PDE7B: variants seen among roughly 807,000 people sequenced by gnomAD.
PDE7B encodes 3',5'-cyclic-AMP phosphodiesterase 7B.
PDE7B carries 29 observed loss-of-function variants against 56.2 expected under a neutral mutation model. That is an observed-to-expected ratio of 0.52 (90% CI 0.38 to 0.70). The LOEUF (loss-of-function observed/expected upper bound fraction) is 0.70. PDE7B is among the 30% of genes least tolerant of loss of function. The pLI, the probability that PDE7B is intolerant of heterozygous loss-of-function variation, is 0.00. For missense variants in PDE7B, 490 were observed against 565.0 expected (o/e 0.87, Z 1.35); for synonymous variants, 197 against 196.9 (o/e 1.00, Z 0.00).
chr6:136,149,573 A>G, intron 5 of PDE7B, among the ~76,000 whole-genome samples: 1 of 152,210 alleles, frequency 6.6e-6, no homozygotes, highest in East Asian at 1.9e-4. Context: ...TGTTGCGGGT[A>G]TTGCTCAAAT....
intron 1 of PDE7B, among the ~76,000 whole-genome samples, chr6:135,940,624 T>A (rs904936785): frequency 2.0e-5 from 3 of 152,218 alleles, no homozygotes; most frequent in African/African-American, 7.2e-5. Context: ...CTTCTAGGGA[T>A]CTGTCTTTGA....
At chr6:135,920,339 A>C (rs1774049546) in intron 1 of PDE7B, among the ~76,000 whole-genome samples, 1 of 152,212 alleles carries the variant, frequency 6.6e-6, no homozygotes, top group Non-Finnish European at 1.5e-5. Flanking sequence ...TAGCATGTCA[A>C]GTCCTCCCCA....
chr6:135,869,483 A>T (rs190787186), intron 1 of PDE7B, among the ~76,000 whole-genome samples: 2 of 152,308 alleles, frequency 1.3e-5, no homozygotes, highest in East Asian at 3.9e-4. Flanking sequence ...GCCTAGATTT[A>T]TTCATTCAAC....
chr6:135,858,189 G>C (rs1374506410), intron 1 of PDE7B, among the ~76,000 whole-genome samples: 1 of 152,020 alleles, frequency 6.6e-6, no homozygotes, highest in Non-Finnish European at 1.5e-5. Context: ...GTCCTGCTCT[G>C]TTGCCCAGGG....
chr6:136,171,277 T>G (rs1419941156), intron 8 of PDE7B, among the ~76,000 whole-genome samples: 2 of 152,138 alleles, frequency 1.3e-5, no homozygotes, highest in African/African-American at 4.8e-5. Flanking sequence ...AGGAAGCAAT[T>G]GTAGATTCCA....
At chr6:136,170,192 G>A (rs1778857256) in intron 8 of PDE7B, among the ~76,000 whole-genome samples, 2 of 152,094 alleles carry the variant, frequency 1.3e-5, no homozygotes, top group Non-Finnish European at 2.9e-5. Flanking sequence ...TACAGTAGGG[G>A]CATAATATAA....
At chr6:136,176,507 C>T (rs905277663) in intron 9 of PDE7B, among the ~76,000 whole-genome samples, 5 of 151,988 alleles carry the variant, frequency 3.3e-5, no homozygotes, top group Non-Finnish European at 7.4e-5. Flanking sequence ...TATGAATGTA[C>T]CATGGTTTAT....
intron 2 of PDE7B, among the ~76,000 whole-genome samples, chr6:135,951,409 T>C (rs1187178908): frequency 1.3e-5 from 2 of 152,038 alleles, no homozygotes; most frequent in Non-Finnish European, 2.9e-5. Flanking sequence ...GCATGAAGTA[T>C]GGCAAGTTAC....
At chr6:135,999,489 C>G (rs1311220869) in intron 2 of PDE7B, among the ~76,000 whole-genome samples, 1 of 152,028 alleles carries the variant, frequency 6.6e-6, no homozygotes, top group African/African-American at 2.4e-5. Context: ...ATTTACCTCC[C>G]TCTTATAAGT....
chr6:136,186,794 A>G (rs1488333921), intron 11 of PDE7B, among the ~76,000 whole-genome samples: 1 of 152,224 alleles, frequency 6.6e-6, no homozygotes, highest in Non-Finnish European at 1.5e-5. Context: ...CTAGTCCCAG[A>G]GCACACCTAC....
Position 136,181,129 on chromosome 6 carries a change from G to A in PDE7B, c.949-98G>A. 3 of 809,730 alleles carry A rather than the reference G, an allele frequency of 3.7e-6. No homozygotes were observed. The South Asian group carries it at 4.3e-5, about 12-fold the overall frequency. The allele number at this position is 809,730 out of a possible 1,614,324, so 50.2% of individuals were successfully genotyped here. A position where few individuals can be genotyped will look rare whatever the true frequency, so the allele number is the denominator to read the frequency against. ...TCTGTAAATATGGGCCTGGTACTGT[G>A]AGCAGACTGAACAGCTTGATAGCCT... On this transcript the variant is annotated intron_variant, in intron 10 of 12. Transcript: ENST00000308191.
At chr6:136,097,116 G>A (rs369750892) in intron 2 of PDE7B, among the ~76,000 whole-genome samples, 79 of 152,288 alleles carry the variant, frequency 5.2e-4, no homozygotes, top group African/African-American at 1.9e-3. Context: ...AAGGCTGGAT[G>A]CTAGACCCTA....
At chr6:135,975,860 G>A (rs1356299539) in intron 2 of PDE7B, among the ~76,000 whole-genome samples, 7 of 152,162 alleles carry the variant, frequency 4.6e-5, no homozygotes, top group Non-Finnish European at 1.0e-4. Context: ...AATTAACGTG[G>A]ACTAGAACCA....
At chr6:135,858,190 T>C (rs550917384) in intron 1 of PDE7B, among the ~76,000 whole-genome samples, 1 of 152,156 alleles carries the variant, frequency 6.6e-6, no homozygotes, top group Non-Finnish European at 1.5e-5. Context: ...TCCTGCTCTG[T>C]TGCCCAGGGT....
chr6:135,920,786 T>C (rs931569291), intron 1 of PDE7B, among the ~76,000 whole-genome samples: 2 of 152,220 alleles, frequency 1.3e-5, no homozygotes, highest in Non-Finnish European at 1.5e-5. Flanking sequence ...AGGAAAAGTC[T>C]TTGAAGTACA....
At chr6:136,043,911 C>G (rs756669404) in intron 2 of PDE7B, 1 of 152,100 alleles carries the variant, frequency 6.6e-6, no homozygotes, top group Non-Finnish European at 1.5e-5. Context: ...AGATTCTTTC[C>G]TCCTGCATTC....
intron 3 of PDE7B, among the ~76,000 whole-genome samples, chr6:136,110,514 G>A (rs1777725870): frequency 6.6e-6 from 1 of 152,184 alleles, no homozygotes; most frequent in Non-Finnish European, 1.5e-5. Context: ...AATAGTAGAT[G>A]AGTGTTAGTT....
chr6:136,009,003 A>G (rs1775839096), intron 2 of PDE7B, among the ~76,000 whole-genome samples: 2 of 151,080 alleles, frequency 1.3e-5, no homozygotes, highest in Admixed American at 6.6e-5. Context: ...TCTTGAATTA[A>G]TTTTTATATA....
At chr6:135,990,340 C>G (rs1311094131) in intron 2 of PDE7B, among the ~76,000 whole-genome samples, 3 of 152,252 alleles carry the variant, frequency 2.0e-5, no homozygotes, top group Non-Finnish European at 4.4e-5. Context: ...GGGTGATCTG[C>G]CTGCCTCATT....
Sources: gnomAD v4.1 joint callset for allele counts (sites outside exome capture counted in the v4.1 genomes callset) on GRCh38, gnomAD v4.1.1 for gene constraint, MANE v1.5 for transcripts, NCBI Gene and HGNC (gene_info 2026-07-23, HGNC 2026-07-21) for gene names.